Variants in ADAMTS3 observed in about 807,000 individuals in gnomAD.
The protein encoded by ADAMTS3 is ADAM metallopeptidase with thrombospondin type 1 motif 3, also known as A disintegrin and metalloproteinase with thrombospondin motifs 3.
ADAMTS3 carries 73 observed loss-of-function variants against 129.0 expected under a neutral mutation model. The ratio of observed to expected loss-of-function variants is 0.57; its 90% CI spans 0.47 to 0.69. ADAMTS3 has a LOEUF of 0.69. ADAMTS3 is among the 30% of genes least tolerant of loss of function. The pLI is 0.00. For synonymous variants in ADAMTS3, 477 were observed against 510.8 expected (o/e 0.93, Z 0.89); for missense variants, 1,457 against 1,514.5 (o/e 0.96, Z 0.63).
intron 3 of ADAMTS3, among the ~76,000 whole-genome samples, chr4:72,431,720 T>A (rs1011398620): frequency 6.6e-6 from 1 of 151,956 alleles, no homozygotes; most frequent in African/African-American, 2.4e-5. Context: ...ATACTCAACC[T>A]GTACTTTTAC....
At chr4:72,376,822 A>T (rs1463203730) in intron 4 of ADAMTS3, among the ~76,000 whole-genome samples, 1 of 152,108 alleles carries the variant, frequency 6.6e-6, no homozygotes, top group Admixed American at 6.6e-5. Flanking sequence ...TTTGTCTTGT[A>T]TTTCACTGCC....
Position 72,425,047 on chromosome 4 carries a change from C to T in ADAMTS3, c.505-10076G>A, listed in dbSNP as rs114357052. On this transcript the variant is annotated intron_variant, in intron 3 of 21. Transcript: ENST00000286657. ...CCTATATTTCAAGCTAAAGCTACAACAGCATTATAGTTTAACTGATGTGAA... is the reference window on the plus strand; with the variant it reads ...CCTATATTTCAAGCTAAAGCTACAATAGCATTATAGTTTAACTGATGTGAA... Among the ~76,000 whole-genome samples, 1,062 of 152,204 alleles carry T rather than the reference C, an allele frequency of 7.0e-3. 7 individuals carry two copies. Among genetic ancestry groups the T allele is most frequent in the African/African-American group, 0.024 (1,005 of 41,544 alleles).
chr4:72,375,720 C>A (rs888051967), intron 4 of ADAMTS3, among the ~76,000 whole-genome samples: 6 of 151,990 alleles, frequency 3.9e-5, no homozygotes, highest in African/African-American at 1.2e-4. Context: ...AATCATCAAT[C>A]AAAAGGAAGG....
At position 72,335,112 on chromosome 4, in the gene ADAMTS3, A is replaced by G. The variant is rs536991150; in HGVS notation, c.861+4382T>C. ...GTTAACCAAAAATAGATTATGGAGA[A>G]TTAAGGTTAGTGATGAAATCTTTGA... is the stretch of plus-strand genomic sequence containing the variant. On this transcript the variant is annotated intron_variant, in intron 5 of 21. Coordinates refer to ENST00000286657, the MANE Select transcript of ADAMTS3 (RefSeq NM_014243.3). Among the ~76,000 whole-genome samples the G allele has an allele frequency of 8.3e-4, 127 of 152,320 alleles. 1 individual carries two copies. The highest frequency in any genetic ancestry group is 3.0e-3 in the African/African-American group (124 of 41,576).
At chr4:72,462,468 G>T (rs1242157594) in intron 3 of ADAMTS3, among the ~76,000 whole-genome samples, 1 of 151,954 alleles carries the variant, frequency 6.6e-6, no homozygotes, top group Non-Finnish European at 1.5e-5. Flanking sequence ...AAACATGAGT[G>T]CATTTTACAC....
At chr4:72,561,867 A>G (rs897873842) in intron 2 of ADAMTS3, among the ~76,000 whole-genome samples, 3 of 152,228 alleles carry the variant, frequency 2.0e-5, no homozygotes, top group Admixed American at 2.0e-4. Context: ...ATTTTCATAA[A>G]CAAGAGACTG....
At chr4:72,434,566 C>T (rs1722774900) in intron 3 of ADAMTS3, among the ~76,000 whole-genome samples, 1 of 151,808 alleles carries the variant, frequency 6.6e-6, no homozygotes, top group African/African-American at 2.4e-5. Flanking sequence ...TCCTATACCC[C>T]AGCCAACAGT....
chr4:72,320,513 T>C (rs1719524587), intron 7 of ADAMTS3, among the ~76,000 whole-genome samples: 1 of 152,176 alleles, frequency 6.6e-6, no homozygotes, highest in Non-Finnish European at 1.5e-5. Flanking sequence ...GCAAGTATAA[T>C]TTACGATGGT....
intron 4 of ADAMTS3, among the ~76,000 whole-genome samples, chr4:72,374,410 C>T (rs1302806335): frequency 1.3e-5 from 2 of 151,894 alleles, no homozygotes; most frequent in South Asian, 2.1e-4. Flanking sequence ...GAAAACCAGT[C>T]ACAAGGGATT....
Position 72,309,379 on chromosome 4 carries a change from TGA to T in ADAMTS3, c.2179+16_2179+17del. 6.2e-7 allele frequency: 1 copy of T among 1,610,252 alleles called. No homozygotes were observed. The highest frequency in any genetic ancestry group is 8.5e-7 in the Non-Finnish European group (1 of 1,177,282). The stretch of plus-strand genomic sequence containing the variant: ...ATCACAGAGAAGAATACTAAATCCA[TGA>T]GAGACCTCATCTTACCAAGCTTCCT... On this transcript the variant is annotated intron_variant, in intron 15 of 21. Transcript: ENST00000286657.
chr4:72,298,941 A>C (rs1170944904), intron 17 of ADAMTS3, among the ~76,000 whole-genome samples: 2 of 152,014 alleles, frequency 1.3e-5, no homozygotes, highest in Non-Finnish European at 2.9e-5. Context: ...TTCCCTCCAG[A>C]AAATATATAC....
chr4:72,419,821 G>A (rs6816463), intron 3 of ADAMTS3, among the ~76,000 whole-genome samples: 101,313 of 151,786 alleles, frequency 0.67, 34,420 homozygotes, highest in South Asian at 0.79. Flanking sequence ...ACAATGCCAC[G>A]GAGGACTATT....
At chr4:72,460,595 A>T (rs1441670437) in intron 3 of ADAMTS3, among the ~76,000 whole-genome samples, 2 of 151,390 alleles carry the variant, frequency 1.3e-5, no homozygotes, top group African/African-American at 4.8e-5. Flanking sequence ...ATATGCTAAC[A>T]ATTACTATCA....
intron 3 of ADAMTS3, among the ~76,000 whole-genome samples, chr4:72,530,585 AAT>A (rs71990386): frequency 0.49 from 27,955 of 57,204 alleles, 4,956 homozygotes; most frequent in African/African-American, 0.59. Context: ...ATATATATTA[AAT>A]ATATATTAAT....
At chr4:72,534,284 G>A (rs1180823130) in intron 3 of ADAMTS3, among the ~76,000 whole-genome samples, 1 of 151,304 alleles carries the variant, frequency 6.6e-6, no homozygotes, top group African/African-American at 2.4e-5. Context: ...CTGAGATTGC[G>A]CCACTGCACT....
Position 72,493,274 on chromosome 4 carries a change from G to A in ADAMTS3, c.504+55204C>T, listed in dbSNP as rs549889790. Among the ~76,000 whole-genome samples the A allele has an allele frequency of 1.1e-4, 16 of 151,906 alleles. No individual in the cohort carries two copies. In the South Asian group the frequency reaches 2.5e-3, roughly 24 times the overall value. ...GTTACCACTTTGTTAGTTGTTTTCT[G>A]TTTATCTTACAGTGGTTTTGTCTGT... is the stretch of plus-strand genomic sequence containing the variant. On this transcript the variant is annotated intron_variant, in intron 3 of 21. Coordinates refer to ENST00000286657, the MANE Select transcript of ADAMTS3 (RefSeq NM_014243.3).
chr4:72,432,351 G>A (rs1252891243), intron 3 of ADAMTS3, among the ~76,000 whole-genome samples: 3 of 151,752 alleles, frequency 2.0e-5, no homozygotes, highest in Non-Finnish European at 4.4e-5. Context: ...TCACAGTACC[G>A]GTATCTGCTC....
intron 2 of ADAMTS3, among the ~76,000 whole-genome samples, chr4:72,551,155 G>C (rs1721636924): frequency 6.6e-6 from 1 of 152,126 alleles, no homozygotes; most frequent in South Asian, 2.1e-4. Context: ...AGAGGAAGCA[G>C]TGCTTAATTT....
intron 3 of ADAMTS3, among the ~76,000 whole-genome samples, chr4:72,503,127 G>C (rs189995112): frequency 6.6e-5 from 10 of 151,938 alleles, no homozygotes; most frequent in Non-Finnish European, 1.0e-4. Flanking sequence ...AGGTTCAAGC[G>C]ATTCTCTGCC....
Sources: allele counts gnomAD v4.1 joint callset (sites outside exome capture counted in the v4.1 genomes callset), GRCh38; gene constraint gnomAD v4.1.1; transcripts MANE v1.5; gene names NCBI Gene and HGNC (gene_info 2026-07-23, HGNC 2026-07-21).